The following EEFSEC variants were observed in gnomAD, a reference collection of about 807,000 sequenced individuals.
EEFSEC encodes eukaryotic elongation factor, selenocysteine-tRNA specific.
Under a neutral mutation model 42.1 loss-of-function variants are expected in EEFSEC, and 43 were observed. The ratio of observed to expected loss-of-function variants is 1.02; its 90% CI spans 0.80 to 1.32. The LOEUF is 1.32. EEFSEC is among the 40% of genes most tolerant of loss of function. EEFSEC has a pLI of 0.00. For missense variants in EEFSEC, 745 were observed against 803.6 expected (o/e 0.93, Z 0.88); for synonymous variants, 354 against 339.1 (o/e 1.04, Z -0.48).
At chr3:128,253,292 A>G (rs957895918) in intron 2 of EEFSEC, among the ~76,000 whole-genome samples, 1 of 152,138 alleles carries the variant, frequency 6.6e-6, no homozygotes, top group African/African-American at 2.4e-5. Flanking sequence ...GCCAGTGTAC[A>G]TGGCTTGGTC....
chr3:128,407,566 G>A (rs1252663359), intron 6 of EEFSEC, among the ~76,000 whole-genome samples: 1 of 152,188 alleles, frequency 6.6e-6, no homozygotes, highest in Non-Finnish European at 1.5e-5. Context: ...GGTCCTGCCT[G>A]CCAAAGGGAG....
chr3:128,245,922 C>T (rs1017337731), intron 1 of EEFSEC, among the ~76,000 whole-genome samples: 5 of 152,188 alleles, frequency 3.3e-5, no homozygotes, highest in African/African-American at 4.8e-5. Context: ...GTCTCCTCTG[C>T]ATTGCCAATG....
chr3:128,211,322 C>T (rs1054852451), intron 1 of EEFSEC, among the ~76,000 whole-genome samples: 5 of 151,860 alleles, frequency 3.3e-5, no homozygotes, highest in African/African-American at 4.8e-5. Context: ...GGCATGATCA[C>T]AGCTCCTTGA....
intron 6 of EEFSEC, among the ~76,000 whole-genome samples, chr3:128,382,553 A>G (rs1290713524): frequency 6.6e-6 from 1 of 152,208 alleles, no homozygotes; most frequent in Admixed American, 6.5e-5. Context: ...TAAAACATTC[A>G]TAAAACTTTT....
At chr3:128,183,632 G>A (rs1175590862) in intron 1 of EEFSEC, among the ~76,000 whole-genome samples, 2 of 152,180 alleles carry the variant, frequency 1.3e-5, no homozygotes, top group Non-Finnish European at 2.9e-5. Flanking sequence ...AACATTGATA[G>A]CAATACTTAC....
intron 4 of EEFSEC, among the ~76,000 whole-genome samples, chr3:128,294,726 G>A (rs1045311900): frequency 2.6e-5 from 4 of 152,234 alleles, no homozygotes; most frequent in Admixed American, 2.6e-4. Flanking sequence ...GGTTTACTAA[G>A]TGGAAAAGGT....
intron 1 of EEFSEC, among the ~76,000 whole-genome samples, chr3:128,239,050 C>T (rs527731773): frequency 1.6e-4 from 25 of 152,198 alleles, no homozygotes; most frequent in Non-Finnish European, 2.9e-4. Context: ...GAGATTTGGC[C>T]AGGATGTTTG....
intron 4 of EEFSEC, among the ~76,000 whole-genome samples, 173 bp from the exon 5 acceptor site, chr3:128,341,060 G>C (rs2067244364): frequency 6.6e-6 from 1 of 152,186 alleles, no homozygotes; most frequent in African/African-American, 2.4e-5. Context: ...CTTTCAGTGT[G>C]GTACCTGCTC....
At chr3:128,418,800 G>C in the EEFSEC span, among the ~76,000 whole-genome samples, 1 of 152,166 alleles carries the variant, frequency 6.6e-6, no homozygotes, top group East Asian at 1.9e-4. Context: ...GATTTGGAAT[G>C]AGGCACATGC....
Position 128,298,221 on chromosome 3 carries a change from G to T in EEFSEC, c.786+33440G>T, listed in dbSNP as rs114075887. ...GTCACTCATGCTGGAATACAGTGGCGCCATCAGCCTCAACCTCCCCAGCTC... is the reference window on the plus strand; with the variant it reads ...GTCACTCATGCTGGAATACAGTGGCTCCATCAGCCTCAACCTCCCCAGCTC... On this transcript the variant is annotated intron_variant, in intron 4 of 6. Coordinates refer to ENST00000254730, the MANE Select transcript of EEFSEC (RefSeq NM_021937.5). Among the ~76,000 whole-genome samples, 791 of 152,176 alleles carry T rather than the reference G, an allele frequency of 5.2e-3. 2 individuals are homozygous for T. The highest frequency in any genetic ancestry group is 0.011 in the African/African-American group (457 of 41,496).
At chr3:128,306,134 A>G (rs1369308467) in intron 4 of EEFSEC, among the ~76,000 whole-genome samples, 1 of 152,142 alleles carries the variant, frequency 6.6e-6, no homozygotes, top group Non-Finnish European at 1.5e-5. Context: ...GGTCTGTGTC[A>G]TGTCAGCTGT....
chr3:128,352,343 C>A (rs1476698464), intron 5 of EEFSEC, among the ~76,000 whole-genome samples: 1 of 152,184 alleles, frequency 6.6e-6, no homozygotes, highest in Non-Finnish European at 1.5e-5. Context: ...TGAGTCCTTG[C>A]CCCCAGTACA....
intron 1 of EEFSEC, among the ~76,000 whole-genome samples, chr3:128,224,575 T>A (rs1006285819): frequency 3.3e-5 from 5 of 152,236 alleles, no homozygotes; most frequent in African/African-American, 1.2e-4. Flanking sequence ...ACTGAACAGT[T>A]ACTAAGATTT....
chr3:128,212,974 A>T, intron 1 of EEFSEC, among the ~76,000 whole-genome samples: 1 of 152,230 alleles, frequency 6.6e-6, no homozygotes, highest in East Asian at 1.9e-4. Flanking sequence ...GCTAGCACAC[A>T]TCTGCAGCGC....
At chr3:128,308,609 G>A (rs1176639762) in intron 4 of EEFSEC, among the ~76,000 whole-genome samples, 12 of 152,186 alleles carry the variant, frequency 7.9e-5, no homozygotes, top group African/African-American at 2.9e-4. Flanking sequence ...AACATTTTTA[G>A]CTAAAGAACT....
At chr3:128,247,639 G>T (rs757694058) in intron 2 of EEFSEC, among the ~76,000 whole-genome samples, 7 of 152,210 alleles carry the variant, frequency 4.6e-5, no homozygotes, top group Non-Finnish European at 8.8e-5. Flanking sequence ...AGCATCTTCT[G>T]CCAAGGAGTT....
chr3:128,284,057 G>A (rs1018275805), intron 4 of EEFSEC, among the ~76,000 whole-genome samples: 26 of 152,098 alleles, frequency 1.7e-4, no homozygotes, highest in Admixed American at 1.7e-3. Context: ...TAACATACAC[G>A]GCTACACCAT....
chr3:128,379,166 A>T (rs996436372), intron 6 of EEFSEC, among the ~76,000 whole-genome samples: 1 of 151,982 alleles, frequency 6.6e-6, no homozygotes, highest in Non-Finnish European at 1.5e-5. Flanking sequence ...GCCAACCCCC[A>T]CCCAGTGCAG....
At chr3:128,288,550 C>T (rs1342235875) in intron 4 of EEFSEC, among the ~76,000 whole-genome samples, 3 of 152,174 alleles carry the variant, frequency 2.0e-5, no homozygotes, top group African/African-American at 7.2e-5. Context: ...CCTTGTTGAA[C>T]AAATGTGCAC....
Sources: gnomAD v4.1 joint callset for allele counts (sites outside exome capture counted in the v4.1 genomes callset) on GRCh38, gnomAD v4.1.1 for gene constraint, MANE v1.5 for transcripts, NCBI Gene and HGNC (gene_info 2026-07-23, HGNC 2026-07-21) for gene names.